VPS41: variants seen among roughly 807,000 people sequenced by gnomAD.
VPS41 encodes the protein vacuolar protein sorting-associated protein 41 homolog.
In VPS41, 85 loss-of-function variants were observed where a neutral mutation model predicts 130.9. The ratio of observed to expected loss-of-function variants is 0.65; its 90% CI spans 0.55 to 0.78. VPS41 has a LOEUF of 0.78. Ranked by LOEUF, VPS41 falls within the 30% of genes least tolerant of loss-of-function variation. The pLI, the probability that VPS41 is intolerant of heterozygous loss-of-function variation, is 0.00. For synonymous variants in VPS41, 335 were observed against 332.9 expected (o/e 1.01, Z -0.07); for missense variants, 874 against 1,018.7 (o/e 0.86, Z 1.93).
intron 17 of VPS41, among the ~76,000 whole-genome samples, chr7:38,759,022 T>C (rs1210283825): frequency 2.6e-5 from 4 of 152,258 alleles, no homozygotes; most frequent in Non-Finnish European, 4.4e-5. Context: ...TTCTTTATAA[T>C]AAACCAGTAA....
intron 18 of VPS41, 72 bp downstream of exon 18, chr7:38,758,282 T>C: frequency 7.1e-7 from 1 of 1,411,758 alleles, no homozygotes; most frequent in African/African-American, 1.4e-5. Context: ...ACTTGGAGTT[T>C]GCCAAATCTA....
intron 23 of VPS41, among the ~76,000 whole-genome samples, chr7:38,744,099 T>C (rs1157371014): frequency 6.6e-6 from 1 of 152,192 alleles, no homozygotes; most frequent in African/African-American, 2.4e-5. Flanking sequence ...CTCATTTTCT[T>C]CTCTCCCACG....
At chr7:38,727,136 G>C in intron 27 of VPS41, 148 bp from the exon 28 acceptor site, 1 of 593,588 alleles carries the variant, frequency 1.7e-6, no homozygotes, top group Non-Finnish European at 2.6e-6. Flanking sequence ...CATTCCTGAG[G>C]GGTGGTATGA....
intron 14 of VPS41, among the ~76,000 whole-genome samples, chr7:38,768,027 A>T (rs746966540): frequency 4.6e-5 from 7 of 152,200 alleles, no homozygotes; most frequent in Admixed American, 6.5e-5. Context: ...AAGTTATAAG[A>T]AAAATGAAAT....
Position 38,733,094 on chromosome 7 carries a change from A to T in VPS41, c.2260-4303T>A, listed in dbSNP as rs558436147. Among the ~76,000 whole-genome samples, 18 of 152,264 alleles carry T rather than the reference A, an allele frequency of 1.2e-4. No individual in the cohort carries two copies. The East Asian group carries it at 3.5e-3, about 29-fold the overall frequency. ...CCGTTCACCTCAGCCTCCCAAAGTG[A>T]CGAGATTACAGGCATGAACCACCGT... On this transcript the variant is annotated intron_variant, in intron 25 of 28. Transcript: ENST00000310301.
At chr7:38,750,730 A>G (rs1035882693) in intron 22 of VPS41, among the ~76,000 whole-genome samples, 1 of 152,190 alleles carries the variant, frequency 6.6e-6, no homozygotes, top group Admixed American at 6.5e-5. Flanking sequence ...CCAGGTGGGC[A>G]TAAAGTGTGT....
At chr7:38,837,845 T>C (rs976656760) in intron 4 of VPS41, among the ~76,000 whole-genome samples, 6 of 152,240 alleles carry the variant, frequency 3.9e-5, no homozygotes, top group Non-Finnish European at 8.8e-5. Flanking sequence ...CTCCTTTCTA[T>C]GCTTTACTAG....
chr7:38,726,994 G>A lies in VPS41; in HGVS notation c.2405-6C>T, dbSNP rs370451263. The A allele has an allele frequency of 1.1e-4, 172 of 1,539,042 alleles. No homozygotes were observed. Among genetic ancestry groups the A allele is most frequent in the Non-Finnish European group, 1.4e-4 (165 of 1,142,234 alleles). ...GCTGAAGGGCTTAGCTGCATCTGGC[G>A]AGGAGGGCAGAGAAAGGAGGAGAAC... On this transcript the variant is annotated splice_polypyrimidine_tract_variant and splice_region_variant and intron_variant, in intron 27 of 28. Transcript: ENST00000310301.
At chr7:38,754,410 G>C in intron 21 of VPS41, among the ~76,000 whole-genome samples, 1 of 152,156 alleles carries the variant, frequency 6.6e-6, no homozygotes, top group African/African-American at 2.4e-5. Context: ...ATATAGTTAT[G>C]TTACATATAT....
intron 4 of VPS41, among the ~76,000 whole-genome samples, chr7:38,835,943 C>T (rs1785482478): frequency 6.6e-6 from 1 of 151,808 alleles, no homozygotes; most frequent in African/African-American, 2.4e-5. Context: ...CTCTTTTGCC[C>T]TAAATTCTAG....
Position 38,724,981 on chromosome 7 carries a change from T to C in VPS41, c.*1265A>G, listed in dbSNP as rs1795510158. The stretch of plus-strand genomic sequence containing the variant: ...CTCAACAACATCTCTACATTTTGCT[T>C]TCTTTATCTGTAAACCTAGGTTTAT... On this transcript the variant is annotated 3_prime_UTR_variant, in exon 29 of 29. Coordinates refer to ENST00000310301, the MANE Select transcript of VPS41 (RefSeq NM_014396.4). 1 of 152,188 alleles carries C rather than the reference T, an allele frequency of 6.6e-6. No individual in the cohort carries two copies. The highest frequency in any genetic ancestry group is 2.4e-5 in the African/African-American group (1 of 41,444). The allele number at this position is 152,188 out of a possible 1,614,324, so 9.4% of individuals were successfully genotyped here. A position where few individuals can be genotyped will look rare whatever the true frequency, so the allele number is the denominator to read the frequency against.
chr7:38,758,221 G>A lies in VPS41; in HGVS notation c.1550+133C>T, dbSNP rs17171458. On this transcript the variant is annotated intron_variant, in intron 18 of 28. Coordinates refer to ENST00000310301, the MANE Select transcript of VPS41 (RefSeq NM_014396.4). ...GCCTACTCATTTGAGGTTTATGAGA[G>A]GTTTTTACTAAGAAGGAATGTAGGA... 0.039 allele frequency: 30,070 copies of A among 770,584 alleles called. 702 individuals carry two copies. Among genetic ancestry groups the A allele is most frequent in the African/African-American group, 0.048 (2,738 of 56,702 alleles). 47.7% of individuals were successfully genotyped at this position (770,584 alleles called of 1,614,324 possible).
intron 7 of VPS41, among the ~76,000 whole-genome samples, chr7:38,798,482 G>T (rs989442143): frequency 6.6e-6 from 1 of 151,984 alleles, no homozygotes; most frequent in Non-Finnish European, 1.5e-5. Context: ...TAGTAGAGAC[G>T]GGGTTTCACC....
At chr7:38,743,278 T>A in intron 24 of VPS41, 124 bp downstream of exon 24, 2 of 1,089,694 alleles carry the variant, frequency 1.8e-6, no homozygotes, top group Non-Finnish European at 2.6e-6. Flanking sequence ...ACCTGGCCTA[T>A]TTTTATTGTA....
At chr7:38,876,479 G>T (rs943820036) in intron 2 of VPS41, among the ~76,000 whole-genome samples, 6 of 152,102 alleles carry the variant, frequency 3.9e-5, no homozygotes, top group African/African-American at 1.4e-4. Context: ...GTAGAATGGG[G>T]ATGAAAATAG....
At chr7:38,850,632 G>C (rs548633747) in intron 4 of VPS41, among the ~76,000 whole-genome samples, 20 of 152,190 alleles carry the variant, frequency 1.3e-4, no homozygotes, top group Admixed American at 1.2e-3. Flanking sequence ...TATTAAATTT[G>C]ACTTGGTAGC....
intron 1 of VPS41, among the ~76,000 whole-genome samples, chr7:38,904,678 G>C (rs551490182): frequency 6.6e-6 from 1 of 152,220 alleles, no homozygotes; most frequent in East Asian, 1.9e-4. Flanking sequence ...CCAGTTACAG[G>C]CAAGAAAATC....
chr7:38,789,982 C>G (rs1018123248), intron 9 of VPS41, 115 bp from the exon 10 acceptor site: 2 of 941,938 alleles, frequency 2.1e-6, no homozygotes, highest in Non-Finnish European at 3.3e-6. Context: ...AGATGGAGTA[C>G]AATCTACCCT....
intron 2 of VPS41, among the ~76,000 whole-genome samples, chr7:38,873,275 A>AT (rs1435112010): frequency 6.6e-6 from 1 of 151,938 alleles, no homozygotes; most frequent in African/African-American, 2.4e-5. Context: ...GTAAAGGTGA[A>AT]TTTTTTAAGG....
Sources: allele counts gnomAD v4.1 joint callset (sites outside exome capture counted in the v4.1 genomes callset), GRCh38; gene constraint gnomAD v4.1.1; transcripts MANE v1.5; gene names NCBI Gene and HGNC (gene_info 2026-07-23, HGNC 2026-07-21).